Variants in SPATS2 observed in about 807,000 individuals in gnomAD.
The protein encoded by SPATS2 is spermatogenesis associated serine rich 2, also known as spermatogenesis-associated serine-rich protein 2.
In SPATS2, 38 loss-of-function variants were observed where a neutral mutation model predicts 63.7. The observed-to-expected ratio is 0.60, with a 90% CI of 0.46 to 0.78. SPATS2 has a LOEUF of 0.78. Ranked by LOEUF, SPATS2 falls within the 30% of genes least tolerant of loss-of-function variation. SPATS2 has a pLI of 0.00. For synonymous variants in SPATS2, 207 were observed against 232.9 expected (o/e 0.89, Z 1.01); for missense variants, 588 against 666.2 (o/e 0.88, Z 1.29).
At chr12:49,388,711 A>C (rs1157512162) in intron 2 of SPATS2, among the ~76,000 whole-genome samples, 3 of 135,696 alleles carry the variant, frequency 2.2e-5, no homozygotes, top group African/African-American at 8.3e-5. Flanking sequence ...TTTTTTTTTT[A>C]AGAGACAAGG....
At chr12:49,382,891 G>A (rs763368611) in intron 2 of SPATS2, among the ~76,000 whole-genome samples, 9 of 150,972 alleles carry the variant, frequency 6.0e-5, no homozygotes, top group Non-Finnish European at 1.3e-4. Flanking sequence ...TTTTAGTAGA[G>A]ATGGAGTTTC....
rs560215369 is a variant in SPATS2, at chr12:49,526,955, G to C, written c.*700G>C. On this transcript the variant is annotated 3_prime_UTR_variant, in exon 14 of 14. Coordinates refer to ENST00000552918, the MANE Select transcript of SPATS2 (RefSeq NM_023071.4). ...AAGTTTAAAAAAAAAAAGGTTGGGC[G>C]TTGTGGCTCATGCCTGTAATCCCAG... The C allele has an allele frequency of 6.6e-6, 1 of 151,902 alleles. No individual in the cohort carries two copies. The highest frequency in any genetic ancestry group is 1.5e-5 in the Non-Finnish European group (1 of 68,000). 9.4% of individuals were successfully genotyped at this position (151,902 alleles called of 1,614,324 possible). A position where few individuals can be genotyped will look rare whatever the true frequency, so the allele number is the denominator to read the frequency against.
At chr12:49,391,961 GTTTTTA>G (rs1192853074) in intron 2 of SPATS2, among the ~76,000 whole-genome samples, 3 of 152,074 alleles carry the variant, frequency 2.0e-5, no homozygotes, top group African/African-American at 7.2e-5. Context: ...ATAAATGACA[GTTTTTA>G]TTTTTAAACT....
At chr12:49,503,165 C>T (rs1700905889) in intron 9 of SPATS2, among the ~76,000 whole-genome samples, 1 of 152,002 alleles carries the variant, frequency 6.6e-6, no homozygotes, top group Non-Finnish European at 1.5e-5. Flanking sequence ...GCTTGGCCAA[C>T]ATGGTGAAAC....
chr12:49,432,921 A>G (rs1211284519), intron 2 of SPATS2, among the ~76,000 whole-genome samples: 4 of 152,220 alleles, frequency 2.6e-5, no homozygotes, highest in African/African-American at 9.7e-5. Flanking sequence ...GATGTTTTGA[A>G]TACGTATCCA....
intron 2 of SPATS2, among the ~76,000 whole-genome samples, chr12:49,395,471 A>G (rs528781641): frequency 5.4e-5 from 8 of 148,302 alleles, no homozygotes; most frequent in African/African-American, 1.8e-4. Context: ...GTTGCCCAGG[A>G]TGGAATGCAG....
intron 9 of SPATS2, among the ~76,000 whole-genome samples, chr12:49,509,426 G>T (rs557474724): frequency 6.6e-6 from 1 of 151,678 alleles, no homozygotes; most frequent in Admixed American, 6.6e-5. Flanking sequence ...GATTACAGGC[G>T]CACGCCACAT....
intron 3 of SPATS2, among the ~76,000 whole-genome samples, chr12:49,464,473 A>G (rs929649815): frequency 4.6e-5 from 7 of 151,310 alleles, no homozygotes; most frequent in Non-Finnish European, 8.8e-5. Flanking sequence ...AAAAAAAAAA[A>G]AAAATTAGCT....
At chr12:49,390,153 G>C (rs1306428099) in intron 2 of SPATS2, 10 of 1,535,990 alleles carry the variant, frequency 6.5e-6, no homozygotes, top group Middle Eastern at 2.4e-4. Context: ...ACTTGAGTCT[G>C]AGGAAGAGCT....
chr12:49,391,892 G>A (rs2137250196), intron 2 of SPATS2, among the ~76,000 whole-genome samples: 1 of 152,196 alleles, frequency 6.6e-6, no homozygotes, highest in South Asian at 2.1e-4. Context: ...AAGGGCTAAT[G>A]GCCCAAACAT....
intron 2 of SPATS2, among the ~76,000 whole-genome samples, chr12:49,393,395 A>AT (rs370243284): frequency 2.0e-5 from 3 of 151,938 alleles, no homozygotes; most frequent in South Asian, 2.1e-4. Flanking sequence ...CAAAATAGGG[A>AT]TTTTTTTCTA....
chr12:49,505,789 A>G (rs763028948), intron 9 of SPATS2, among the ~76,000 whole-genome samples: 1 of 152,216 alleles, frequency 6.6e-6, no homozygotes, highest in Non-Finnish European at 1.5e-5. Context: ...CAGATCCAAT[A>G]TTTGAATGTA....
At chr12:49,475,427 C>CTTGTTGTTGTTGTTGTTGTTG (rs111655814) in intron 3 of SPATS2, among the ~76,000 whole-genome samples, 1 of 151,274 alleles carries the variant, frequency 6.6e-6, no homozygotes, top group South Asian at 2.1e-4. Context: ...TGGTAGAATT[C>CTTGTTGTTGTTGTTGTTGTTG]TTGTTGTTGT....
chr12:49,499,066 G>A (rs781763453), intron 8 of SPATS2, among the ~76,000 whole-genome samples: 3 of 152,122 alleles, frequency 2.0e-5, no homozygotes, highest in South Asian at 2.1e-4. Context: ...GATTACAGGC[G>A]TGAGCCACCA....
intron 2 of SPATS2, chr12:49,441,773 A>T (rs1396978884): frequency 1.3e-5 from 2 of 152,216 alleles, no homozygotes; most frequent in Non-Finnish European, 2.9e-5. Context: ...TTTCCTTAAG[A>T]GGATATCAAG....
At chr12:49,385,836 G>GTTTT (rs199632118) in intron 2 of SPATS2, among the ~76,000 whole-genome samples, 6,482 of 143,128 alleles carry the variant, frequency 0.045, 321 homozygotes, top group African/African-American at 0.13. Flanking sequence ...GGTTTTTTTT[G>GTTTT]TTTTTTGTTT....
At chr12:49,402,475 A>T (rs60827238) in intron 2 of SPATS2, among the ~76,000 whole-genome samples, 1 of 152,008 alleles carries the variant, frequency 6.6e-6, no homozygotes, top group African/African-American at 2.4e-5. Flanking sequence ...GCTGAAGTTG[A>T]GATTGTTGGG....
intron 2 of SPATS2, among the ~76,000 whole-genome samples, chr12:49,386,603 G>T (rs1944322634): frequency 6.6e-6 from 1 of 152,192 alleles, no homozygotes; most frequent in South Asian, 2.1e-4. Context: ...AGCAGGAGAA[G>T]GGCAAGGGAT....
chr12:49,376,092 ATTTTTTTTTTT>A (rs749954777), intron 2 of SPATS2, among the ~76,000 whole-genome samples: 9 of 81,068 alleles, frequency 1.1e-4, no homozygotes, highest in Admixed American at 1.4e-4. Flanking sequence ...ACCTGGCCTG[ATTTTTTTTTTT>A]TTTTTTTTTT....
Sources: allele counts gnomAD v4.1 joint callset (sites outside exome capture counted in the v4.1 genomes callset), GRCh38; gene constraint gnomAD v4.1.1; transcripts MANE v1.5; gene names NCBI Gene and HGNC (gene_info 2026-07-23, HGNC 2026-07-21).